RABGAP1L: variants seen among roughly 807,000 people sequenced by gnomAD.
RABGAP1L encodes rab GTPase-activating protein 1-like.
RABGAP1L carries 63 observed loss-of-function variants against 137.7 expected under a neutral mutation model. The observed-to-expected ratio is 0.46, with a 90% CI of 0.37 to 0.56. The LOEUF (loss-of-function observed/expected upper bound fraction) is 0.56. Among genes scored for constraint, RABGAP1L ranks in the 20% least tolerant of loss-of-function variants. RABGAP1L has a pLI of 0.00. For missense variants in RABGAP1L, 1,095 were observed against 1,244.0 expected, an observed-to-expected ratio of 0.88 and a Z score of 1.80; for synonymous variants, 431 against 433.7, an observed-to-expected ratio of 0.99 and a Z score of 0.08.
At chr1:174,868,783 ATTGTGCCCCAACGC>A (rs1209530466) in intron 19 of RABGAP1L, among the ~76,000 whole-genome samples, 2 of 152,042 alleles carry the variant, frequency 1.3e-5, no homozygotes, top group Admixed American at 1.3e-4. Flanking sequence ...ACTGTAGGAG[ATTGTGCCCCAACGC>A]CCCACCCAGG....
At chr1:174,478,764 C>T (rs923791062) in intron 13 of RABGAP1L, among the ~76,000 whole-genome samples, 2 of 152,080 alleles carry the variant, frequency 1.3e-5, no homozygotes, top group Non-Finnish European at 2.9e-5. Flanking sequence ...ACTTACAAAC[C>T]GTTGCTACCT....
rs76278446 is a variant in RABGAP1L, at chr1:174,453,115, G to A, written c.1710+58970G>A. Among the ~76,000 whole-genome samples the A allele has an allele frequency of 2.9e-3, 438 of 152,296 alleles. 1 individual carries two copies. The highest frequency in any genetic ancestry group is 9.7e-3 in the African/African-American group (403 of 41,558). On this transcript the variant is annotated intron_variant, in intron 13 of 25. Transcript: ENST00000681986. ...TTGAGATTAAAGATATCCAGCAAGC[G>A]GATGTTGTGATGAGACAGGCATGAT... is the stretch of plus-strand genomic sequence containing the variant.
intron 19 of RABGAP1L, among the ~76,000 whole-genome samples, chr1:174,872,778 C>T (rs941428913): frequency 9.9e-5 from 15 of 152,068 alleles, no homozygotes; most frequent in Non-Finnish European, 4.4e-5. Flanking sequence ...TGGGCTCAAG[C>T]AGTCCTCCTC....
intron 19 of RABGAP1L, among the ~76,000 whole-genome samples, chr1:174,831,361 T>A (rs1419933023): frequency 6.8e-6 from 1 of 148,106 alleles, no homozygotes. Context: ...AAATAGGAAG[T>A]TAAAGTTGAA....
intron 19 of RABGAP1L, among the ~76,000 whole-genome samples, chr1:174,946,934 A>ATGTGTGTG (rs1474737934): frequency 1.4e-5 from 1 of 69,808 alleles, no homozygotes; most frequent in African/African-American, 6.4e-5. Context: ...ATATATATAT[A>ATGTGTGTG]TATATATGTG....
chr1:174,216,735 A>AT (rs1407775052), intron 1 of RABGAP1L, among the ~76,000 whole-genome samples: 3 of 151,864 alleles, frequency 2.0e-5, no homozygotes, highest in Admixed American at 1.3e-4. Context: ...GCTGGCAATG[A>AT]TTTTTCTTGG....
chr1:174,980,901 T>G (rs552203298), intron 23 of RABGAP1L, among the ~76,000 whole-genome samples: 2 of 141,116 alleles, frequency 1.4e-5, no homozygotes, highest in East Asian at 1.9e-4. Context: ...CAAAAGACAG[T>G]TTTTTTTGTT....
At position 174,817,837 on chromosome 1, in the gene RABGAP1L, CAG is replaced by C. The variant is rs568096680; in HGVS notation, c.2340+5881_2340+5882del. Among the ~76,000 whole-genome samples the C allele has an allele frequency of 9.2e-5, 14 of 152,064 alleles. No individual in the cohort carries two copies. The East Asian group carries it at 2.7e-3, about 29-fold the overall frequency. On this transcript the variant is annotated intron_variant, in intron 19 of 25. Coordinates refer to ENST00000681986, the MANE Select transcript of RABGAP1L (RefSeq NM_001366446.1). Reference sequence around the variant, plus strand: ...GGCTGAAGAAATTATGGATGAATTCCAGAGACATTCAAGACATAAAATTAACA... The same window carrying C: ...GGCTGAAGAAATTATGGATGAATTCCAGACATTCAAGACATAAAATTAACA...
At chr1:174,215,539 A>T (rs1164441380) in intron 1 of RABGAP1L, among the ~76,000 whole-genome samples, 1 of 152,176 alleles carries the variant, frequency 6.6e-6, no homozygotes, top group Non-Finnish European at 1.5e-5. Flanking sequence ...TCAAAAGAAG[A>T]TATACAAATG....
At chr1:174,509,620 A>G (rs931856784) in intron 13 of RABGAP1L, among the ~76,000 whole-genome samples, 10 of 151,982 alleles carry the variant, frequency 6.6e-5, no homozygotes, top group African/African-American at 2.2e-4. Context: ...CTTTATTCCT[A>G]CCACAACACT....
chr1:174,553,104 T>C (rs1337467083), intron 13 of RABGAP1L, among the ~76,000 whole-genome samples: 3 of 152,218 alleles, frequency 2.0e-5, no homozygotes, highest in Non-Finnish European at 4.4e-5. Context: ...TTTGTTTAAG[T>C]TCTTTATAGA....
chr1:174,692,111 G>A (rs2148500267), intron 15 of RABGAP1L, among the ~76,000 whole-genome samples: 1 of 152,228 alleles, frequency 6.6e-6, no homozygotes, highest in South Asian at 2.1e-4. Flanking sequence ...CTACATTTTT[G>A]TTGGCAGTTA....
chr1:174,567,827 A>G (rs116488006), intron 13 of RABGAP1L, among the ~76,000 whole-genome samples: 403 of 152,292 alleles, frequency 2.6e-3, no homozygotes, highest in Non-Finnish European at 4.1e-3. Flanking sequence ...TTACAATAAG[A>G]AAGATGTCAC....
At chr1:174,334,516 C>G (rs1681304912) in intron 11 of RABGAP1L, among the ~76,000 whole-genome samples, 1 of 152,196 alleles carries the variant, frequency 6.6e-6, no homozygotes, top group African/African-American at 2.4e-5. Flanking sequence ...ATCTTGCTGT[C>G]TGAGTTTTAC....
chr1:174,978,796 A>C lies in RABGAP1L; in HGVS notation c.2650-11A>C. On this transcript the variant is annotated splice_polypyrimidine_tract_variant and intron_variant, in intron 22 of 25. Transcript: ENST00000681986. ...GCTAAATCCTGATATTTCTCATTCT[A>C]TTCTTTCTAGCTAAAAGAAGTCTTC... is the stretch of plus-strand genomic sequence containing the variant. 6.6e-7 allele frequency: 1 copy of C among 1,526,670 alleles called. No individual in the cohort carries two copies. Among genetic ancestry groups the C allele is most frequent in the Non-Finnish European group, 8.8e-7 (1 of 1,140,482 alleles). The allele number at this position is 1,526,670 out of a possible 1,614,324, so 94.6% of individuals were successfully genotyped here. A position where few individuals can be genotyped will look rare whatever the true frequency, so the allele number is the denominator to read the frequency against.
intron 13 of RABGAP1L, among the ~76,000 whole-genome samples, chr1:174,623,255 C>T (rs960776811): frequency 1.3e-4 from 20 of 152,230 alleles, no homozygotes; most frequent in African/African-American, 4.1e-4. Context: ...AGAAAATTTA[C>T]TCGTGAGAAT....
At chr1:174,180,621 C>T (rs777246496) in intron 1 of RABGAP1L, among the ~76,000 whole-genome samples, 15 of 152,174 alleles carry the variant, frequency 9.9e-5, no homozygotes, top group East Asian at 3.9e-4. Flanking sequence ...TATGCCACCA[C>T]GCCTGGCTAA....
At chr1:174,833,386 G>A (rs1470323484) in intron 19 of RABGAP1L, among the ~76,000 whole-genome samples, 5 of 52,352 alleles carry the variant, frequency 9.6e-5, no homozygotes, top group Non-Finnish European at 2.4e-4. Flanking sequence ...GTGTGTGTGT[G>A]TGTGTGTGTG....
chr1:174,198,271 G>T (rs917898411), intron 1 of RABGAP1L, among the ~76,000 whole-genome samples: 4 of 152,054 alleles, frequency 2.6e-5, no homozygotes, highest in Non-Finnish European at 5.9e-5. Flanking sequence ...AGTGTATATG[G>T]TTTAGATCTT....
Sources: allele counts gnomAD v4.1 joint callset (sites outside exome capture counted in the v4.1 genomes callset), GRCh38; gene constraint gnomAD v4.1.1; transcripts MANE v1.5; gene names NCBI Gene and HGNC (gene_info 2026-07-23, HGNC 2026-07-21).